MEF2A: variants seen among roughly 807,000 people sequenced by gnomAD.
The protein encoded by MEF2A is myocyte-specific enhancer factor 2A.
MEF2A carries 28 observed loss-of-function variants against 55.8 expected under a neutral mutation model. The ratio of observed to expected loss-of-function variants is 0.50; its 90% CI spans 0.37 to 0.69. The LOEUF is 0.69. Among genes scored for constraint, MEF2A ranks in the 30% least tolerant of loss-of-function variants. MEF2A has a pLI of 0.00. For synonymous variants in MEF2A, 239 were observed against 227.1 expected (o/e 1.05, Z -0.47); for missense variants, 528 against 626.2 (o/e 0.84, Z 1.67).
At chr15:99,625,532 TG>T in intron 2 of MEF2A, among the ~76,000 whole-genome samples, 1 of 152,238 alleles carries the variant, frequency 6.6e-6, no homozygotes, top group African/African-American at 2.4e-5. Context: ...GTGGTGAAAG[TG>T]GTCATCCGTA....
chr15:99,578,648 C>T (rs189358377), intron 1 of MEF2A, among the ~76,000 whole-genome samples: 1 of 152,282 alleles, frequency 6.6e-6, no homozygotes, highest in East Asian at 1.9e-4. Flanking sequence ...CGTGTGTATA[C>T]GAACCCACAC....
intron 2 of MEF2A, among the ~76,000 whole-genome samples, chr15:99,612,324 G>A (rs1175862444): frequency 6.6e-6 from 1 of 151,956 alleles, no homozygotes; most frequent in Non-Finnish European, 1.5e-5. Flanking sequence ...GGCTGAGGCA[G>A]GAGAATGGCA....
intron 2 of MEF2A, among the ~76,000 whole-genome samples, chr15:99,611,242 A>AAAAAC (rs368889285): frequency 6.6e-6 from 1 of 152,224 alleles, no homozygotes; most frequent in Non-Finnish European, 1.5e-5. Context: ...ACTCTGTCTC[A>AAAAAC]AAAACAAAAC....
chr15:99,597,397 A>T (rs1303494827), intron 1 of MEF2A, among the ~76,000 whole-genome samples: 1 of 152,144 alleles, frequency 6.6e-6, no homozygotes, highest in East Asian at 1.9e-4. Context: ...CCCGCCTAAT[A>T]AATTTTGGTC....
chr15:99,665,731 CAAAAAA>C lies in MEF2A; in HGVS notation c.259-5573_259-5568del, dbSNP rs752473261. Among the ~76,000 whole-genome samples the C allele has an allele frequency of 8.5e-3, 172 of 20,246 alleles. 1 individual carries two copies. Among genetic ancestry groups the C allele is most frequent in the South Asian group, 0.043 (21 of 492 alleles). 13.3% of individuals were successfully genotyped at this position (20,246 alleles called of 152,430 possible). ...GGAATCTACAAAGAACTTAAATTTACAAAAAAAAAAAAAAAAAAAAAAAAGCCATCA... is the reference window on the plus strand; with the variant it reads ...GGAATCTACAAAGAACTTAAATTTACAAAAAAAAAAAAAAAAAAGCCATCA... On this transcript the variant is annotated intron_variant, in intron 4 of 11. Coordinates refer to ENST00000557942, the MANE Select transcript of MEF2A (RefSeq NM_001319206.4).
rs766481815 is a variant in MEF2A at position 99,671,549 on chromosome 15, C to T, written c.390+95C>T. 1.9e-5 allele frequency: 31 copies of T among 1,612,916 alleles called. 1 individual carries two copies. Among genetic ancestry groups the T allele is most frequent in the South Asian group, 1.1e-4 (10 of 90,988 alleles). ...TGAACAAGAAGGAACACAGAGGGTG[C>T]GACAGCCCAGACCCTGATACTTCAT... On this transcript the variant is annotated intron_variant, in intron 5 of 11. Transcript: ENST00000557942.
chr15:99,706,349 T>C (rs917309028), intron 9 of MEF2A, among the ~76,000 whole-genome samples: 2 of 152,252 alleles, frequency 1.3e-5, no homozygotes, highest in African/African-American at 4.8e-5. Context: ...AATCCCTATA[T>C]ATACAGATGA....
rs1215033998 is a variant in MEF2A at position 99,713,260 on chromosome 15, TA to T, written c.*490del. 2.1e-5 allele frequency: 8 copies of T among 372,430 alleles called. No individual in the cohort carries two copies. Among genetic ancestry groups the T allele is most frequent in the Non-Finnish European group, 2.8e-5 (6 of 210,774 alleles). The allele number at this position is 372,430 out of a possible 1,614,324, so 23.1% of individuals were successfully genotyped here. ...GCAATACTGTACATAAAATGTCATT[TA>T]TATTTTCCAACCTGGCATGGGTGTC... is the stretch of plus-strand genomic sequence containing the variant. On this transcript the variant is annotated 3_prime_UTR_variant, in exon 12 of 12. Coordinates refer to ENST00000557942, the MANE Select transcript of MEF2A (RefSeq NM_001319206.4).
rs2043669449 is a variant in MEF2A, at chr15:99,635,624, A to G, written c.54+2451A>G. 2.0e-5 allele frequency among the ~76,000 whole-genome samples: 3 copies of G among 152,116 alleles called. No homozygotes were observed. The South Asian group carries it at 6.2e-4, about 32-fold the overall frequency. On this transcript the variant is annotated intron_variant, in intron 3 of 11. Coordinates refer to ENST00000557942, the MANE Select transcript of MEF2A (RefSeq NM_001319206.4). The stretch of plus-strand genomic sequence containing the variant: ...GTTTCCCCCTGCCCCAAGGAAGGTC[A>G]TTATCCTGACTTCTAACACTATAGA...
chr15:99,629,160 C>G (rs755502668), intron 2 of MEF2A, among the ~76,000 whole-genome samples: 3 of 152,212 alleles, frequency 2.0e-5, no homozygotes, highest in African/African-American at 7.2e-5. Flanking sequence ...GCTGGCTGAA[C>G]GCGGTGGCTC....
chr15:99,585,889 T>G (rs1052539937), intron 1 of MEF2A, among the ~76,000 whole-genome samples: 1 of 152,184 alleles, frequency 6.6e-6, no homozygotes, highest in African/African-American at 2.4e-5. Context: ...GATCTTTTTG[T>G]GTTCTTCGGT....
At chr15:99,703,299 AT>A in intron 8 of MEF2A, 62 bp from the exon 9 acceptor site, 1 of 1,551,598 alleles carries the variant, frequency 6.4e-7, no homozygotes, top group Non-Finnish European at 8.9e-7. Context: ...CTAAAGAAAT[AT>A]TTTGTTTGTG....
At chr15:99,698,997 G>C (rs1009888717) in intron 8 of MEF2A, among the ~76,000 whole-genome samples, 3 of 151,504 alleles carry the variant, frequency 2.0e-5, no homozygotes, top group African/African-American at 7.3e-5. Flanking sequence ...CAGGAAGACT[G>C]CTTGAGCCCA....
chr15:99,703,522 A>G (rs1647695869), intron 9 of MEF2A, 137 bp downstream of exon 9: 2 of 672,910 alleles, frequency 3.0e-6, no homozygotes, highest in East Asian at 3.0e-5. Flanking sequence ...TGAATAAAGC[A>G]ATCTACTGGT....
chr15:99,597,020 G>A (rs1971416195), intron 1 of MEF2A, among the ~76,000 whole-genome samples: 1 of 152,118 alleles, frequency 6.6e-6, no homozygotes, highest in South Asian at 2.1e-4. Context: ...TCAGGACCCT[G>A]TAATAATTGC....
intron 1 of MEF2A, among the ~76,000 whole-genome samples, chr15:99,587,273 G>A (rs1315499201): frequency 6.6e-6 from 1 of 151,814 alleles, no homozygotes; most frequent in African/African-American, 2.4e-5. Flanking sequence ...TGTTCTTACT[G>A]TTCAGCTCCC....
At chr15:99,671,552 C>T (rs1247929176) in intron 5 of MEF2A, 98 bp downstream of exon 5, 2 of 1,613,314 alleles carry the variant, frequency 1.2e-6, no homozygotes, top group Non-Finnish European at 1.7e-6. Flanking sequence ...GAGGGTGCGA[C>T]AGCCCAGACC....
intron 1 of MEF2A, among the ~76,000 whole-genome samples, chr15:99,597,135 A>T (rs1971456843): frequency 6.6e-6 from 1 of 152,212 alleles, no homozygotes; most frequent in Admixed American, 6.5e-5. Context: ...CAAGAGAGAT[A>T]ACCTTAAACT....
intron 5 of MEF2A, 146 bp downstream of exon 5, chr15:99,671,600 A>C (rs1325818727): frequency 6.3e-7 from 1 of 1,597,516 alleles, no homozygotes; most frequent in South Asian, 1.1e-5. Context: ...ATACAGAAGA[A>C]AAATATAAAA....
Sources: gnomAD v4.1 joint callset for allele counts (sites outside exome capture counted in the v4.1 genomes callset) on GRCh38, gnomAD v4.1.1 for gene constraint, MANE v1.5 for transcripts, NCBI Gene and HGNC (gene_info 2026-07-23, HGNC 2026-07-21) for gene names.